Variants in TM4SF19 observed in about 807,000 individuals in gnomAD.
TM4SF19 encodes the protein transmembrane 4 L6 family member 19.
TM4SF19 carries 17 observed loss-of-function variants against 21.8 expected under a neutral mutation model. The observed-to-expected ratio is 0.78, with a 90% CI of 0.53 to 1.17. The LOEUF is 1.17. TM4SF19 is among the 50% of genes most tolerant of loss of function. The pLI, the probability that TM4SF19 is intolerant of heterozygous loss-of-function variation, is 0.00. For missense variants in TM4SF19, 216 were observed against 252.1 expected (o/e 0.86, Z 0.97); for synonymous variants, 107 against 106.7 (o/e 1.00, Z -0.02).
At chr3:196,331,220 G>A (rs1171478740) in intron 1 of TM4SF19, among the ~76,000 whole-genome samples, 1 of 151,760 alleles carries the variant, frequency 6.6e-6, no homozygotes, top group Non-Finnish European at 1.5e-5. Flanking sequence ...AAGTTGCAGT[G>A]AGCAGAGATC....
chr3:196,331,310 A>AG (rs1727497104), intron 1 of TM4SF19, among the ~76,000 whole-genome samples: 1 of 150,318 alleles, frequency 6.7e-6, no homozygotes, highest in Non-Finnish European at 1.5e-5. Context: ...TATATATATG[A>AG]ATTAAAATAG....
chr3:196,327,147 T>C, intron 2 of TM4SF19, 115 bp from the exon 3 acceptor site: 1 of 892,608 alleles, frequency 1.1e-6, no homozygotes, highest in Admixed American at 2.2e-5. Context: ...TCCTGTTGAC[T>C]CTGACTCTGG....
chr3:196,337,505 T>C (rs1270609424), intron 1 of TM4SF19, among the ~76,000 whole-genome samples: 4 of 151,702 alleles, frequency 2.6e-5, no homozygotes, highest in African/African-American at 7.3e-5. Flanking sequence ...AGCTCAGGAA[T>C]TGGGCGAGTG....
chr3:196,327,109 G>GCC, intron 2 of TM4SF19, 77 bp from the exon 3 acceptor site: 1 of 1,239,548 alleles, frequency 8.1e-7, no homozygotes, highest in African/African-American at 1.5e-5. Flanking sequence ...ACAGCTGTTA[G>GCC]AGTGGCTGGC....
intron 1 of TM4SF19, among the ~76,000 whole-genome samples, chr3:196,330,028 C>T (rs539906315): frequency 6.6e-5 from 10 of 151,284 alleles, no homozygotes; most frequent in South Asian, 2.1e-4. Context: ...TGTGCCACCA[C>T]GCCTGGCTAA....
intron 1 of TM4SF19, among the ~76,000 whole-genome samples, chr3:196,332,931 C>T (rs900642455): frequency 2.7e-5 from 4 of 147,902 alleles, no homozygotes; most frequent in Non-Finnish European, 5.9e-5. Flanking sequence ...TTGTTCACTG[C>T]AGCCCTGATC....
intron 3 of TM4SF19, 84 bp from the exon 4 acceptor site, chr3:196,324,524 G>A (rs1358934844): frequency 7.4e-6 from 11 of 1,488,848 alleles, no homozygotes; most frequent in South Asian, 3.6e-5. Context: ...GAGCTAAGAC[G>A]GGGTCGCAGC....
chr3:196,324,478 C>T (rs376374519), intron 3 of TM4SF19, 38 bp from the exon 4 acceptor site: 24 of 1,608,594 alleles, frequency 1.5e-5, no homozygotes, highest in Admixed American at 3.4e-5. Context: ...AAGACGGGGT[C>T]GCAGCTGGGG....
intron 1 of TM4SF19, among the ~76,000 whole-genome samples, chr3:196,333,193 C>T (rs1430929160): frequency 2.0e-5 from 3 of 152,154 alleles, no homozygotes; most frequent in South Asian, 4.1e-4. Context: ...AATGAGTATT[C>T]AGTAGAAACC....
Position 196,329,233 on chromosome 3 carries a change from C to T in TM4SF19, c.-1-1642G>A, listed in dbSNP as rs948828881. 8.7e-5 allele frequency among the ~76,000 whole-genome samples: 11 copies of T among 126,842 alleles called. 3 individuals carry two copies. Among genetic ancestry groups the T allele is most frequent in the Non-Finnish European group, 1.7e-4 (10 of 57,678 alleles). 83.2% of individuals were successfully genotyped at this position (126,842 alleles called of 152,430 possible). On this transcript the variant is annotated intron_variant, in intron 1 of 4. Coordinates refer to ENST00000273695, the MANE Select transcript of TM4SF19 (RefSeq NM_138461.4). The stretch of plus-strand genomic sequence containing the variant: ...CTGGGATTACAGGCATGAGCCACCG[C>T]GCCCGGCCAATAAATGATTTTTTAA...
Position 196,327,568 on chromosome 3 carries a change from T to G in TM4SF19, c.23A>C (p.Gln8Pro), listed in dbSNP as rs6785339. The G allele has an allele frequency of 0.59, 954,713 of 1,613,366 alleles. 285,920 individuals are homozygous for G. Among genetic ancestry groups the G allele is most frequent in the East Asian group, 0.9 (40,229 of 44,868 alleles). The stretch of plus-strand genomic sequence containing the variant: ...ACGGGAGCAAGTCCGTGAGCTTGCC[T>G]GCGTGCAGGGAGAGGACACCATCCT... Reference protein sequence around the residue: MVSSPCTQASSRTCSRIL... With the variant: MVSSPCTPASSRTCSRIL... Residue 8 changes from glutamine to proline, a missense_variant, in exon 2 of 5, where the codon CAG becomes CCG. Transcript: ENST00000273695.
chr3:196,337,049 TTC>T (rs1363664171), intron 1 of TM4SF19, among the ~76,000 whole-genome samples: 5 of 124,720 alleles, frequency 4.0e-5, no homozygotes, highest in African/African-American at 1.1e-4. Context: ...CAAAAAGCAA[TTC>T]TTTTTTTTTT....
In TM4SF19 at chr3:196,325,937, A is replaced by G. The variant is rs926455462; in HGVS notation, c.279+1018T>C. Among the ~76,000 whole-genome samples, 1 of 152,210 alleles carries G rather than the reference A, an allele frequency of 6.6e-6. No homozygotes were observed. The highest frequency in any genetic ancestry group is 2.1e-4 in the South Asian group (1 of 4,834). On this transcript the variant is annotated intron_variant, in intron 3 of 4. Coordinates refer to ENST00000273695, the MANE Select transcript of TM4SF19 (RefSeq NM_138461.4). The surrounding 1 kb of genome is among the most constrained non-coding windows in gnomAD (Gnocchi z 4.3). ...AAACCAGAATGAGAACAGACAGTGA[A>G]TGAAATGTGCAAGTGTTTATTTATT... is the stretch of plus-strand genomic sequence containing the variant.
In TM4SF19 at chr3:196,323,709, G is replaced by A; in HGVS notation, c.*108C>T. ...ATTTTGTTGTCATTATTACTCCAGG[G>A]ATACCTAAAGGGGAAGTTTGTTTAT... On this transcript the variant is annotated 3_prime_UTR_variant, in exon 5 of 5. Coordinates refer to ENST00000273695, the MANE Select transcript of TM4SF19 (RefSeq NM_138461.4). 2.5e-6 allele frequency: 4 copies of A among 1,580,884 alleles called. No homozygotes were observed. The South Asian group carries it at 3.4e-5, about 13-fold the overall frequency.
chr3:196,324,027 C>T, intron 4 of TM4SF19, 30 bp from the exon 5 acceptor site: 1 of 1,609,962 alleles, frequency 6.2e-7, no homozygotes, highest in Non-Finnish European at 8.5e-7. Context: ...GACCAGGGGT[C>T]AGGCGATAAG....
At chr3:196,327,695 C>T in intron 1 of TM4SF19, 104 bp from the exon 2 acceptor site, 1 of 934,772 alleles carries the variant, frequency 1.1e-6, no homozygotes. Flanking sequence ...ACAGAAACCG[C>T]CACCTTCCAG....
intron 2 of TM4SF19, 99 bp from the exon 3 acceptor site, chr3:196,327,131 A>C: frequency 1.0e-6 from 1 of 999,520 alleles, no homozygotes; most frequent in Non-Finnish European, 1.6e-6. Flanking sequence ...GCTCACATGA[A>C]CGCAGTCCTG....
Position 196,327,609 on chromosome 3 carries a change from G to A in TM4SF19, c.-1-18C>T, listed in dbSNP as rs1727352338. On this transcript the variant is annotated intron_variant, in intron 1 of 4. Transcript: ENST00000273695. ...ACACCATCCTGGAACAGATAGAAAG[G>A]GAGTCGCAGCAGCTCTGCTGTGGGG... 6.2e-7 allele frequency: 1 copy of A among 1,608,244 alleles called. No individual in the cohort carries two copies. The highest frequency in any genetic ancestry group is 8.5e-7 in the Non-Finnish European group (1 of 1,176,114).
intron 1 of TM4SF19, among the ~76,000 whole-genome samples, chr3:196,337,727 G>A: frequency 6.6e-6 from 1 of 152,174 alleles, no homozygotes; most frequent in African/African-American, 2.4e-5. Context: ...GGTGTCTCAA[G>A]TCACGCACTT....
Sources: gnomAD v4.1 joint callset for allele counts (sites outside exome capture counted in the v4.1 genomes callset) on GRCh38, gnomAD v4.1.1 for gene constraint, Gnocchi (gnomAD v3.1) non-coding constraint, MANE v1.5 for transcripts, NCBI Gene and HGNC (gene_info 2026-07-23, HGNC 2026-07-21) for gene names.